MACROD2: variants seen among roughly 807,000 people sequenced by gnomAD.
The protein encoded by MACROD2 is ADP-ribose glycohydrolase MACROD2.
In MACROD2, 36 loss-of-function variants were observed where a neutral mutation model predicts 70.4. That is an observed-to-expected ratio of 0.51 (90% CI 0.39 to 0.68). The LOEUF (loss-of-function observed/expected upper bound fraction) is 0.68, where lower values mean the gene tolerates loss of function less well. Among genes scored for constraint, MACROD2 ranks in the 30% least tolerant of loss-of-function variants. The pLI is 0.00. For synonymous variants in MACROD2, 172 were observed against 178.8 expected (o/e 0.96, Z 0.30); for missense variants, 496 against 538.4 (o/e 0.92, Z 0.78).
chr20:15,650,264 C>T (rs13044731), intron 8 of MACROD2, among the ~76,000 whole-genome samples: 49,934 of 152,036 alleles, frequency 0.33, 9,264 homozygotes, highest in Non-Finnish European at 0.42. Context: ...GAAAGCTGAA[C>T]GTCAACCTCC....
At chr20:14,286,797 AAAG>A (rs1467857176) in intron 3 of MACROD2, among the ~76,000 whole-genome samples, 2 of 152,184 alleles carry the variant, frequency 1.3e-5, no homozygotes, top group Admixed American at 6.6e-5. Context: ...TCTATTTAAA[AAAG>A]AAGTTTAAAT....
At chr20:15,847,386 C>T (rs2064245414) in intron 8 of MACROD2, among the ~76,000 whole-genome samples, 1 of 152,170 alleles carries the variant, frequency 6.6e-6, no homozygotes, top group South Asian at 2.1e-4. Flanking sequence ...AATTTGGACT[C>T]TTCCTCTCCT....
At chr20:14,896,814 A>C (rs2073835842) in intron 5 of MACROD2, among the ~76,000 whole-genome samples, 1 of 152,150 alleles carries the variant, frequency 6.6e-6, no homozygotes, top group Admixed American at 6.5e-5. Flanking sequence ...GAATCCTACC[A>C]TACTCTAGTC....
In MACROD2 at chr20:15,149,587, G is replaced by A. The variant is rs145241290; in HGVS notation, c.419-80353G>A. On this transcript the variant is annotated intron_variant, in intron 5 of 17. Transcript: ENST00000684519. ...GAGCCAGGGAGCAGAAAGTATATGC[G>A]TCAGGTGTGAGGAAGAAAATAGATT... Among the ~76,000 whole-genome samples the A allele has an allele frequency of 8.3e-3, 1,256 of 152,112 alleles. 30 individuals are homozygous for A. Among genetic ancestry groups the A allele is most frequent in the African/African-American group, 0.029 (1,182 of 41,400 alleles).
chr20:15,624,581 C>T (rs570211892), intron 8 of MACROD2, among the ~76,000 whole-genome samples: 1 of 152,266 alleles, frequency 6.6e-6, no homozygotes, highest in South Asian at 2.1e-4. Flanking sequence ...ATTAGGCCCA[C>T]TGACTGTTTT....
chr20:14,670,540 A>C (rs2070782681), intron 4 of MACROD2, among the ~76,000 whole-genome samples: 1 of 152,166 alleles, frequency 6.6e-6, no homozygotes, highest in South Asian at 2.1e-4. Flanking sequence ...CCAGTAATTT[A>C]ACACTTCTGT....
chr20:15,477,435 T>C (rs1393448874), intron 7 of MACROD2, among the ~76,000 whole-genome samples: 4 of 152,182 alleles, frequency 2.6e-5, no homozygotes, highest in Non-Finnish European at 4.4e-5. Context: ...AGGTTTTTTT[T>C]CATCAGATTC....
At chr20:14,559,688 T>C (rs116489646) in intron 4 of MACROD2, among the ~76,000 whole-genome samples, 7 of 151,996 alleles carry the variant, frequency 4.6e-5, no homozygotes, top group African/African-American at 1.7e-4. Flanking sequence ...CTCACACTTT[T>C]TTCTTTAGTT....
intron 4 of MACROD2, among the ~76,000 whole-genome samples, chr20:14,609,783 A>T (rs1479554040): frequency 6.6e-6 from 1 of 152,132 alleles, no homozygotes; most frequent in Non-Finnish European, 1.5e-5. Context: ...TGTAATCATT[A>T]ACTCATGAAG....
intron 5 of MACROD2, among the ~76,000 whole-genome samples, chr20:14,931,741 G>A (rs2074297395): frequency 9.0e-6 from 1 of 111,248 alleles, no homozygotes; most frequent in African/African-American, 2.8e-5. Context: ...CACCTGGCGT[G>A]TAATCCAGTG....
At chr20:15,616,892 G>A (rs118180205) in intron 8 of MACROD2, among the ~76,000 whole-genome samples, 2,705 of 152,216 alleles carry the variant, frequency 0.018, 50 homozygotes, top group Non-Finnish European at 0.024. Flanking sequence ...TACCCATATG[G>A]GGTTCAATTT....
chr20:14,055,191 T>A (rs1410145857), intron 2 of MACROD2, among the ~76,000 whole-genome samples: 1 of 152,182 alleles, frequency 6.6e-6, no homozygotes, highest in Non-Finnish European at 1.5e-5. Flanking sequence ...ATGCGTTTAT[T>A]TTGTCTTAAA....
intron 12 of MACROD2, among the ~76,000 whole-genome samples, chr20:15,952,147 G>C (rs139158146): frequency 6.7e-6 from 1 of 149,670 alleles, no homozygotes; most frequent in East Asian, 2.0e-4. Flanking sequence ...GCTCCTCCTT[G>C]CCTTCTGCCA....
intron 3 of MACROD2, among the ~76,000 whole-genome samples, chr20:14,434,499 G>T (rs1408840542): frequency 6.6e-6 from 1 of 151,984 alleles, no homozygotes; most frequent in Admixed American, 6.6e-5. Context: ...TGATGCCCTT[G>T]CAATTGTTAG....
At chr20:14,334,853 A>T (rs2082909030) in intron 3 of MACROD2, among the ~76,000 whole-genome samples, 2 of 152,068 alleles carry the variant, frequency 1.3e-5, no homozygotes, top group African/African-American at 4.8e-5. Flanking sequence ...ATCTATTCAG[A>T]ATTTTTAAGT....
At chr20:15,077,061 A>G (rs2075663899) in intron 5 of MACROD2, among the ~76,000 whole-genome samples, 2 of 152,198 alleles carry the variant, frequency 1.3e-5, no homozygotes, top group South Asian at 4.1e-4. Context: ...CAGAATAGGG[A>G]GCAAATGTGC....
intron 5 of MACROD2, among the ~76,000 whole-genome samples, chr20:15,116,027 G>A (rs1398271933): frequency 6.6e-6 from 1 of 152,112 alleles, no homozygotes; most frequent in Non-Finnish European, 1.5e-5. Flanking sequence ...GTAGAGAGAA[G>A]TACAATTCCA....
At chr20:14,722,570 G>A (rs1427293351) in intron 5 of MACROD2, among the ~76,000 whole-genome samples, 1 of 152,114 alleles carries the variant, frequency 6.6e-6, no homozygotes, top group African/African-American at 2.4e-5. Flanking sequence ...CACATAGTAA[G>A]CAGTAAGTAA....
At chr20:14,577,836 A>AGAGAAGAGAAGAG (rs1568680705) in intron 4 of MACROD2, among the ~76,000 whole-genome samples, 7 of 151,860 alleles carry the variant, frequency 4.6e-5, no homozygotes, top group Non-Finnish European at 5.9e-5. Context: ...AGAGAAGAGA[A>AGAGAAGAGAAGAG]AACAACTATG....
Sources: allele counts gnomAD v4.1 joint callset (sites outside exome capture counted in the v4.1 genomes callset), GRCh38; gene constraint gnomAD v4.1.1; transcripts MANE v1.5; gene names NCBI Gene and HGNC (gene_info 2026-07-23, HGNC 2026-07-21).